Variants in IQCM observed in about 807,000 individuals in gnomAD.
The protein encoded by IQCM is IQ motif containing M, also known as IQ domain-containing protein M.
A neutral mutation model predicts 57.6 loss-of-function variants in IQCM; 45 were observed. The ratio of observed to expected loss-of-function variants is 0.78; its 90% CI spans 0.62 to 1.00. The LOEUF (loss-of-function observed/expected upper bound fraction) is 1.00. IQCM is among the 50% of genes least tolerant of loss of function. IQCM has a pLI of 0.00. For missense variants in IQCM, 468 were observed against 511.6 expected (o/e 0.91, Z 0.82); for synonymous variants, 148 against 158.9 (o/e 0.93, Z 0.51).
chr4:149,444,859 A>G (rs532432992), intron 12 of IQCM, among the ~76,000 whole-genome samples: 1 of 152,098 alleles, frequency 6.6e-6, no homozygotes, highest in East Asian at 1.9e-4. Context: ...AACGTAGTTC[A>G]GATAATGCAT....
chr4:149,485,203 C>T (rs1741336953), intron 12 of IQCM, among the ~76,000 whole-genome samples: 2 of 151,910 alleles, frequency 1.3e-5, no homozygotes, highest in South Asian at 4.2e-4. Context: ...TGGGTTAAAT[C>T]TGCTTGGTGT....
At chr4:149,757,153 G>A (rs1769047302) in intron 2 of IQCM, among the ~76,000 whole-genome samples, 2 of 152,232 alleles carry the variant, frequency 1.3e-5, no homozygotes, top group South Asian at 4.1e-4. Flanking sequence ...AGCTACTCAG[G>A]AGGCTGAGGC....
intron 2 of IQCM, among the ~76,000 whole-genome samples, chr4:149,755,712 C>T (rs1246783813): frequency 1.3e-5 from 2 of 152,182 alleles, no homozygotes; most frequent in African/African-American, 2.4e-5. Flanking sequence ...AGACTGCTAG[C>T]TGATTCCCAA....
At chr4:149,733,943 G>T (rs1766700650) in intron 4 of IQCM, among the ~76,000 whole-genome samples, 1 of 152,088 alleles carries the variant, frequency 6.6e-6, no homozygotes, top group Non-Finnish European at 1.5e-5. Context: ...TTCCTTTGCT[G>T]AACCAGAAAT....
intron 7 of IQCM, among the ~76,000 whole-genome samples, chr4:149,673,854 A>G (rs1761524273): frequency 1.3e-5 from 2 of 152,146 alleles, no homozygotes; most frequent in African/African-American, 4.8e-5. Flanking sequence ...TTATTCCAAA[A>G]AAGGCTAAGT....
chr4:149,559,058 A>G (rs1231180453), intron 10 of IQCM, among the ~76,000 whole-genome samples: 2 of 152,152 alleles, frequency 1.3e-5, no homozygotes, highest in East Asian at 3.9e-4. Flanking sequence ...TGCTCAAGAC[A>G]AGAACCTGGG....
At chr4:149,656,061 C>T (rs927389796) in intron 7 of IQCM, among the ~76,000 whole-genome samples, 1 of 152,046 alleles carries the variant, frequency 6.6e-6, no homozygotes, top group African/African-American at 2.4e-5. Context: ...CAGGTAGTCA[C>T]AAACTTTCTG....
intron 13 of IQCM, among the ~76,000 whole-genome samples, chr4:149,407,210 A>G (rs1733044461): frequency 6.6e-6 from 1 of 152,140 alleles, no homozygotes; most frequent in Non-Finnish European, 1.5e-5. Context: ...TGGAGGCTAC[A>G]ATTCAAGGTG....
chr4:149,636,228 C>A (rs913682821), intron 7 of IQCM, among the ~76,000 whole-genome samples: 2 of 152,116 alleles, frequency 1.3e-5, no homozygotes, highest in Non-Finnish European at 2.9e-5. Flanking sequence ...ATACCTTGGG[C>A]AGACCAAAGA....
At chr4:149,433,893 TA>T (rs1465307847) in intron 12 of IQCM, among the ~76,000 whole-genome samples, 1 of 152,104 alleles carries the variant, frequency 6.6e-6, no homozygotes, top group African/African-American at 2.4e-5. Flanking sequence ...AATTTCTATT[TA>T]ACAATGGAAT....
intron 7 of IQCM, among the ~76,000 whole-genome samples, chr4:149,656,006 A>G (rs1759603342): frequency 6.6e-6 from 1 of 152,162 alleles, no homozygotes; most frequent in East Asian, 1.9e-4. Context: ...TATAAAATGG[A>G]ACATACAAAG....
intron 5 of IQCM, among the ~76,000 whole-genome samples, chr4:149,722,846 T>C (rs1279211550): frequency 6.6e-6 from 1 of 152,068 alleles, no homozygotes; most frequent in East Asian, 1.9e-4. Flanking sequence ...ATTAGTAATT[T>C]TATCAGAATT....
intron 9 of IQCM, among the ~76,000 whole-genome samples, chr4:149,571,705 C>T (rs925427381): frequency 5.9e-5 from 9 of 151,962 alleles, no homozygotes; most frequent in Middle Eastern, 6.8e-3. Context: ...TTAGTCATTC[C>T]GCAACATATA....
chr4:149,370,989 C>T (rs1462428842), intron 13 of IQCM, among the ~76,000 whole-genome samples: 1 of 151,840 alleles, frequency 6.6e-6, no homozygotes, highest in African/African-American at 2.4e-5. Flanking sequence ...CTTATATGCG[C>T]ATGACTCTGG....
intron 12 of IQCM, among the ~76,000 whole-genome samples, chr4:149,471,532 C>A (rs1739544990): frequency 1.3e-5 from 2 of 152,152 alleles, no homozygotes; most frequent in South Asian, 4.1e-4. Flanking sequence ...CGAATTCTAC[C>A]AGAGGTACAA....
chr4:149,558,354 C>T (rs1749783676), intron 10 of IQCM, among the ~76,000 whole-genome samples: 1 of 152,134 alleles, frequency 6.6e-6, no homozygotes, highest in Non-Finnish European at 1.5e-5. Flanking sequence ...TTTCAAATCC[C>T]TCCTGGCCCC....
At chr4:149,779,847 G>A (rs1265249123) in intron 2 of IQCM, among the ~76,000 whole-genome samples, 1 of 152,122 alleles carries the variant, frequency 6.6e-6, no homozygotes, top group African/African-American at 2.4e-5. Context: ...CAAATCAGTT[G>A]CTGTAAGGTC....
At chr4:149,612,322 C>T (rs1315377981) in intron 8 of IQCM, among the ~76,000 whole-genome samples, 1 of 152,148 alleles carries the variant, frequency 6.6e-6, no homozygotes, top group Non-Finnish European at 1.5e-5. Flanking sequence ...AAAGCACATT[C>T]ACGGCCATCT....
chr4:149,684,242 G>C (rs180929587), intron 6 of IQCM, among the ~76,000 whole-genome samples: 31 of 151,318 alleles, frequency 2.0e-4, no homozygotes, highest in African/African-American at 6.8e-4. Context: ...TATTGAAATT[G>C]TAACAGTATT....
Sources: allele counts gnomAD v4.1 joint callset (sites outside exome capture counted in the v4.1 genomes callset), GRCh38; gene constraint gnomAD v4.1.1; transcripts MANE v1.5; gene names NCBI Gene and HGNC (gene_info 2026-07-23, HGNC 2026-07-21).